MAGEC3: variants seen among roughly 807,000 people sequenced by gnomAD.
MAGEC3 encodes MAGE family member C3.
In MAGEC3, 34 loss-of-function variants were observed where a neutral mutation model predicts 35.3. That is an observed-to-expected ratio of 0.96 (90% CI 0.73 to 1.28). The LOEUF is 1.28. MAGEC3 is among the 50% of genes most tolerant of loss of function. The pLI is 0.00. For synonymous variants in MAGEC3, 202 were observed against 185.6 expected (o/e 1.09, Z -0.72); for missense variants, 561 against 483.6 (o/e 1.16, Z -1.50).
chrX:141,848,265 G>A (rs1234054857), intron 1 of MAGEC3, among the ~76,000 whole-genome samples: 2 of 108,885 alleles, frequency 1.8e-5, no homozygotes, highest in African/African-American at 6.7e-5. Context: ...ATTACCGAAA[G>A]TCTTAGCCAG....
At chrX:141,864,579 A>G (rs1431317300) in intron 1 of MAGEC3, among the ~76,000 whole-genome samples, 1 of 111,173 alleles carries the variant, frequency 9.0e-6, no homozygotes, top group East Asian at 2.8e-4. Flanking sequence ...AATTATGAGA[A>G]CACATAGATG....
In MAGEC3 at chrX:141,897,064, G is replaced by T; in HGVS notation, c.1306G>T (p.Glu436Ter). ...ATTGGATGAGGAGTCCAGCAGTGAAGAGGAGGATACAGCTACTTGGCATGC... is the reference window on the plus strand; with the variant it reads ...ATTGGATGAGGAGTCCAGCAGTGAATAGGAGGATACAGCTACTTGGCATGC... Reference protein sequence around the residue: ...TRLDEESSSEEEDTATWHALP... With the variant: ...TRLDEESSSE The change falls in exon 7 of 8, where the codon GAG becomes TAG. Residue 436 changes from glutamate (E) to a stop codon, truncating the protein, a stop_gained. Coordinates refer to ENST00000298296, the MANE Select transcript of MAGEC3 (RefSeq NM_138702.1). LOFTEE classifies it high-confidence loss of function. 1 of 1,211,749 alleles carries T rather than the reference G, an allele frequency of 8.3e-7. No homozygotes were observed. The highest frequency in any genetic ancestry group is 1.1e-6 in the Non-Finnish European group (1 of 895,531).
At chrX:141,879,843 G>A (rs1009816838) in intron 3 of MAGEC3, among the ~76,000 whole-genome samples, 1 of 111,174 alleles carries the variant, frequency 9.0e-6, no homozygotes, top group South Asian at 3.9e-4. Flanking sequence ...ATTGTAGGTC[G>A]CAGACAGGAA....
chrX:141,884,524 A>G (rs1282469771), intron 4 of MAGEC3, among the ~76,000 whole-genome samples: 1 of 111,174 alleles, frequency 9.0e-6, no homozygotes, highest in Non-Finnish European at 1.9e-5. Context: ...AACCCTGAGT[A>G]ATACAGATTT....
intron 2 of MAGEC3, among the ~76,000 whole-genome samples, chrX:141,877,482 A>G (rs1031547623): frequency 1.8e-5 from 2 of 111,884 alleles, no homozygotes; most frequent in Non-Finnish European, 3.8e-5. Context: ...ATACTATTAT[A>G]TATTGAATAA....
intron 1 of MAGEC3, among the ~76,000 whole-genome samples, chrX:141,844,826 T>C (rs749373519): frequency 1.8e-5 from 2 of 111,213 alleles, no homozygotes; most frequent in Admixed American, 1.9e-4. Context: ...ACCAAACATA[T>C]GATTCAGCCT....
chrX:141,857,466 C>A (rs1027214674), intron 1 of MAGEC3, among the ~76,000 whole-genome samples: 1 of 111,330 alleles, frequency 9.0e-6, no homozygotes, highest in South Asian at 3.8e-4. Context: ...GGAATATAAA[C>A]CAAACTCCTT....
At chrX:141,838,617 T>G (rs1352415616) in intron 1 of MAGEC3, 179 bp downstream of exon 1, 1 of 733,435 alleles carries the variant, frequency 1.4e-6, no homozygotes, top group Admixed American at 8.9e-5. Context: ...TGCAGTAGCC[T>G]GTGGTCGCTC....
intron 1 of MAGEC3, among the ~76,000 whole-genome samples, chrX:141,844,950 G>T (rs16979894): frequency 9.2e-6 from 1 of 109,181 alleles, no homozygotes; most frequent in Non-Finnish European, 1.9e-5. Flanking sequence ...AAGCGCTAAC[G>T]TTTTCAGCCA....
chrX:141,860,703 A>G (rs1381402603), intron 1 of MAGEC3, among the ~76,000 whole-genome samples: 4 of 112,481 alleles, frequency 3.6e-5, no homozygotes, highest in African/African-American at 9.7e-5. Context: ...TCATAAAAGG[A>G]CAAATACTTT....
intron 1 of MAGEC3, among the ~76,000 whole-genome samples, chrX:141,842,708 G>T (rs1256797841): frequency 4.5e-5 from 5 of 111,623 alleles, no homozygotes; most frequent in African/African-American, 1.3e-4. Flanking sequence ...TTACTCCCAT[G>T]AAAGTGACTT....
chrX:141,871,969 G>A (rs2017891084), intron 2 of MAGEC3, among the ~76,000 whole-genome samples: 1 of 109,867 alleles, frequency 9.1e-6, no homozygotes, highest in Non-Finnish European at 1.9e-5. Flanking sequence ...AATACAGAAG[G>A]GGTTCATCTG....
At chrX:141,881,897 G>T (rs2017969417) in intron 4 of MAGEC3, 101 bp downstream of exon 4, 8 of 1,022,793 alleles carry the variant, frequency 7.8e-6, no homozygotes, top group Non-Finnish European at 1.1e-5. Context: ...CATGTGCCCA[G>T]TAGTGCTCCT....
intron 4 of MAGEC3, among the ~76,000 whole-genome samples, chrX:141,893,516 G>A (rs2018058552): frequency 9.0e-6 from 1 of 110,682 alleles, no homozygotes; most frequent in South Asian, 3.9e-4. Flanking sequence ...AAAACCTACA[G>A]CATCCCCAAC....
chrX:141,843,360 C>T (rs943092262), intron 1 of MAGEC3, among the ~76,000 whole-genome samples: 3 of 111,278 alleles, frequency 2.7e-5, no homozygotes, highest in Admixed American at 9.5e-5. Context: ...TTTGTCTCTG[C>T]GCACAAGAAT....
intron 2 of MAGEC3, among the ~76,000 whole-genome samples, chrX:141,878,463 G>A (rs2017934335): frequency 8.9e-6 from 1 of 112,674 alleles, no homozygotes; most frequent in African/African-American, 3.2e-5. Flanking sequence ...AAGACTCCCT[G>A]CCCACAAAGA....
intron 1 of MAGEC3, among the ~76,000 whole-genome samples, chrX:141,864,343 G>A (rs980107612): frequency 1.3e-3 from 133 of 106,034 alleles, no homozygotes; most frequent in African/African-American, 4.5e-3. Flanking sequence ...AAATTAAAAT[G>A]AAAAAAGATA....
intron 6 of MAGEC3, chrX:141,896,348 C>A: frequency 1.3e-6 from 1 of 742,202 alleles, no homozygotes; most frequent in Non-Finnish European, 1.9e-6. Context: ...AGCACCTGGC[C>A]ATAGCCACCT....
chrX:141,849,658 T>C (rs2017738607), intron 1 of MAGEC3, among the ~76,000 whole-genome samples: 1 of 110,781 alleles, frequency 9.0e-6, no homozygotes, highest in Non-Finnish European at 1.9e-5. Flanking sequence ...TCACAAATCA[T>C]CAGAGAAATA....
Sources: gnomAD v4.1 joint callset for allele counts (sites outside exome capture counted in the v4.1 genomes callset) on GRCh38, gnomAD v4.1.1 for gene constraint, MANE v1.5 for transcripts, NCBI Gene and HGNC (gene_info 2026-07-23, HGNC 2026-07-21) for gene names.